EPB41L2: variants seen among roughly 807,000 people sequenced by gnomAD.
EPB41L2 encodes band 4.1-like protein 2.
In EPB41L2, 43 loss-of-function variants were observed where a neutral mutation model predicts 113.0. The ratio of observed to expected loss-of-function variants is 0.38; its 90% CI spans 0.30 to 0.49. The LOEUF (loss-of-function observed/expected upper bound fraction) is 0.49, where lower values mean the gene tolerates loss of function less well. Among genes scored for constraint, EPB41L2 ranks in the 20% least tolerant of loss-of-function variants. EPB41L2 has a pLI of 0.95. For synonymous variants in EPB41L2, 442 were observed against 436.7 expected (o/e 1.01, Z -0.15); for missense variants, 1,147 against 1,223.4 (o/e 0.94, Z 0.93).
intron 18 of EPB41L2, among the ~76,000 whole-genome samples, chr6:130,861,239 A>T (rs1781922582): frequency 6.6e-6 from 1 of 151,678 alleles, no homozygotes; most frequent in Non-Finnish European, 1.5e-5. Flanking sequence ...CACCCGGCTA[A>T]TTTTTTGTAT....
chr6:130,985,877 A>C (rs1440333403), intron 1 of EPB41L2, among the ~76,000 whole-genome samples: 1 of 152,162 alleles, frequency 6.6e-6, no homozygotes, highest in African/African-American at 2.4e-5. Flanking sequence ...GTGTACAATT[A>C]AATAGTTTTG....
Position 130,869,741 on chromosome 6 carries a change from A to C in EPB41L2, c.2429T>G (p.Val810Gly). ...VTQAGASVITVETVIQENVGA... is the reference protein window; with the variant it reads ...VTQAGASVITGETVIQENVGA... Reference sequence around the variant, plus strand: ...TACATTTTCCTGGATCACTGTTTCTACTGTGATTACACTGGCACCTGCTTG... The same window carrying C: ...TACATTTTCCTGGATCACTGTTTCTCCTGTGATTACACTGGCACCTGCTTG... Residue 810 changes from valine (V) to glycine (G), a missense_variant, in exon 15 of 20, where the codon GTA (valine) becomes GGA (glycine). Transcript: ENST00000337057. 1 of 1,613,800 alleles carries C rather than the reference A, an allele frequency of 6.2e-7. No homozygotes were observed. The highest frequency in any genetic ancestry group is 2.2e-5 in the East Asian group (1 of 44,878).
intron 1 of EPB41L2, among the ~76,000 whole-genome samples, chr6:131,029,894 TC>T (rs11312888): frequency 0.8 from 120,153 of 150,652 alleles, 48,289 homozygotes; most frequent in African/African-American, 0.88. Flanking sequence ...AGGATTTTTC[TC>T]TTTTTTTCTT....
intron 1 of EPB41L2, among the ~76,000 whole-genome samples, chr6:130,965,240 T>C (rs898630009): frequency 1.3e-5 from 2 of 152,190 alleles, no homozygotes; most frequent in Non-Finnish European, 2.9e-5. Flanking sequence ...ACATAGGTAA[T>C]AAGATTAGCA....
chr6:131,026,522 C>T (rs192567009), intron 1 of EPB41L2, among the ~76,000 whole-genome samples: 1 of 152,210 alleles, frequency 6.6e-6, no homozygotes, highest in Non-Finnish European at 1.5e-5. Flanking sequence ...TAACAAGACG[C>T]TGACAAGACT....
chr6:130,889,079 G>A (rs532235177), intron 11 of EPB41L2, among the ~76,000 whole-genome samples: 7 of 151,998 alleles, frequency 4.6e-5, no homozygotes, highest in South Asian at 2.1e-4. Flanking sequence ...TAAGTTGTTC[G>A]AGCATATATT....
At chr6:130,956,789 A>T (rs1817591162) in intron 1 of EPB41L2, among the ~76,000 whole-genome samples, 1 of 152,166 alleles carries the variant, frequency 6.6e-6, no homozygotes, top group Admixed American at 6.5e-5. Context: ...AGAAACAGGG[A>T]TTACTTTTAT....
chr6:130,856,782 A>G lies in EPB41L2; in HGVS notation c.*5+1349T>C, dbSNP rs191954352. On this transcript the variant is annotated intron_variant, in intron 19 of 19. Coordinates refer to ENST00000337057, the MANE Select transcript of EPB41L2 (RefSeq NM_001431.4). ...ATAAGACCTGCTTCTTAAAGCCCTA[A>G]TAGATAATTATAAACATTTACCCAC... 1.2e-4 allele frequency among the ~76,000 whole-genome samples: 19 copies of G among 152,316 alleles called. No homozygotes were observed. The East Asian group carries it at 3.7e-3, about 29-fold the overall frequency.
intron 1 of EPB41L2, among the ~76,000 whole-genome samples, chr6:131,017,220 T>C (rs1318096154): frequency 6.6e-6 from 1 of 152,332 alleles, no homozygotes; most frequent in East Asian, 1.9e-4. Flanking sequence ...TGCAAAGTGT[T>C]TTACATTTTA....
chr6:130,900,135 A>G (rs559057189), intron 7 of EPB41L2, among the ~76,000 whole-genome samples: 20 of 152,306 alleles, frequency 1.3e-4, no homozygotes, highest in African/African-American at 4.6e-4. Flanking sequence ...TCCCCATGGC[A>G]TGTCAGTACC....
intron 14 of EPB41L2, chr6:130,876,627 G>C: frequency 2.6e-6 from 3 of 1,151,874 alleles, no homozygotes; most frequent in South Asian, 1.4e-5. Context: ...GAAACAAAAG[G>C]AAAGGGGGAA....
rs761996130 is a variant in EPB41L2, at chr6:130,904,456, A to G, written c.929+9T>C. On this transcript the variant is annotated intron_variant, in intron 6 of 19. Coordinates refer to ENST00000337057, the MANE Select transcript of EPB41L2 (RefSeq NM_001431.4). ...GAAAGGTTCATTTAAAAATGCAAAT[A>G]TAAAGTACCTGGTGATATCTTCAGT... 5 of 1,567,176 alleles carry G rather than the reference A, an allele frequency of 3.2e-6. No homozygotes were observed. In the East Asian group the frequency reaches 9.1e-5, roughly 28 times the overall value.
chr6:130,866,207 G>A (rs1283205746), intron 16 of EPB41L2, among the ~76,000 whole-genome samples: 3 of 152,116 alleles, frequency 2.0e-5, no homozygotes, highest in African/African-American at 4.8e-5. Context: ...CTGCACATAC[G>A]CATGTGCTCC....
chr6:130,946,718 A>T (rs544292920), intron 3 of EPB41L2, among the ~76,000 whole-genome samples: 38 of 152,282 alleles, frequency 2.5e-4, no homozygotes, highest in Non-Finnish European at 5.0e-4. Context: ...GTTAATATAG[A>T]TTATACAGAA....
intron 4 of EPB41L2, among the ~76,000 whole-genome samples, chr6:130,917,951 A>G (rs1801653581): frequency 6.6e-6 from 1 of 152,218 alleles, no homozygotes; most frequent in Non-Finnish European, 1.5e-5. Context: ...CTAAATGTTA[A>G]AAGTAGTTTT....
chr6:130,864,198 T>C (rs1782997556), intron 17 of EPB41L2, among the ~76,000 whole-genome samples: 3 of 152,228 alleles, frequency 2.0e-5, no homozygotes, highest in Non-Finnish European at 4.4e-5. Context: ...AACTGTTTGA[T>C]GTGATATATA....
At chr6:131,041,435 G>A (rs370749895) in intron 1 of EPB41L2, among the ~76,000 whole-genome samples, 1 of 152,160 alleles carries the variant, frequency 6.6e-6, no homozygotes, top group Non-Finnish European at 1.5e-5. Context: ...AAACACCTGA[G>A]CTCACTGATC....
chr6:130,998,145 G>A (rs1783573489), intron 1 of EPB41L2, among the ~76,000 whole-genome samples: 1 of 152,164 alleles, frequency 6.6e-6, no homozygotes, highest in African/African-American at 2.4e-5. Context: ...AGGAAATTGA[G>A]TCTTAGAGAT....
At chr6:130,876,961 A>C (rs1201993995) in intron 14 of EPB41L2, among the ~76,000 whole-genome samples, 1 of 152,214 alleles carries the variant, frequency 6.6e-6, no homozygotes, top group Non-Finnish European at 1.5e-5. Flanking sequence ...ACATTCTGGA[A>C]TAGACTGCTG....
Sources: gnomAD v4.1 joint callset for allele counts (sites outside exome capture counted in the v4.1 genomes callset) on GRCh38, gnomAD v4.1.1 for gene constraint, MANE v1.5 for transcripts, NCBI Gene and HGNC (gene_info 2026-07-23, HGNC 2026-07-21) for gene names.